Variants in CTBP2 observed in about 807,000 individuals in gnomAD.
CTBP2 encodes C-terminal binding protein 2.
In CTBP2, 30 loss-of-function variants were observed where a neutral mutation model predicts 80.3. The observed-to-expected ratio is 0.37, with a 90% CI of 0.28 to 0.51. CTBP2 has a LOEUF of 0.51. CTBP2 is among the 20% of genes least tolerant of loss of function. The probability of loss-of-function intolerance (pLI) is 0.93; values close to 1 mark genes in which losing one functional copy is unlikely to be tolerated. For missense variants in CTBP2, 1,212 were observed against 1,375.3 expected (o/e 0.88, Z 1.88); for synonymous variants, 594 against 587.4 (o/e 1.01, Z -0.16).
At chr10:124,997,867 C>A in intron 4 of CTBP2, 97 bp downstream of exon 6, 1 of 1,359,346 alleles carries the variant, frequency 7.4e-7, no homozygotes, top group South Asian at 1.3e-5. Flanking sequence ...GCCCTGGCTC[C>A]TCAAGAGCAG....
intron 2 of CTBP2, among the ~76,000 whole-genome samples, chr10:125,045,538 A>G (rs1197453063): frequency 6.6e-6 from 1 of 152,088 alleles, no homozygotes; most frequent in Non-Finnish European, 1.5e-5. Context: ...TTTTGGAGAC[A>G]GATTCTCACT....
Position 124,994,356 on chromosome 10 carries a change from C to T in CTBP2, c.2400+113G>A, listed in dbSNP as rs1953159416. On this transcript the variant is annotated intron_variant, in intron 5 of 8. Transcript: ENST00000309035. ...GGTTTGTTGCAGGGCCTCTTCCCTGCTCAACAGTGTATCCAGAAACCACCT... is the reference window on the plus strand; with the variant it reads ...GGTTTGTTGCAGGGCCTCTTCCCTGTTCAACAGTGTATCCAGAAACCACCT... 12 of 1,051,918 alleles carry T rather than the reference C, an allele frequency of 1.1e-5. No homozygotes were observed. The South Asian group carries it at 1.2e-4, about 10-fold the overall frequency. The allele number at this position is 1,051,918 out of a possible 1,614,324, so 65.2% of individuals were successfully genotyped here.
intron 1 of CTBP2, among the ~76,000 whole-genome samples, chr10:125,131,147 C>T (rs938472866): frequency 3.3e-5 from 5 of 152,108 alleles, no homozygotes; most frequent in African/African-American, 1.2e-4. Context: ...GGGAGCAGCC[C>T]GCAGAGTGCA....
At chr10:125,122,140 A>G (rs1483803798) in intron 1 of CTBP2, among the ~76,000 whole-genome samples, 1 of 152,222 alleles carries the variant, frequency 6.6e-6, no homozygotes, top group African/African-American at 2.4e-5. Context: ...TAGAAATATT[A>G]TCTATTGATT....
At chr10:125,052,750 A>T (rs1963069289) in intron 2 of CTBP2, among the ~76,000 whole-genome samples, 1 of 152,214 alleles carries the variant, frequency 6.6e-6, no homozygotes, top group African/African-American at 2.4e-5. Flanking sequence ...CCACAATCAC[A>T]GGCACCATCG....
intron 3 of CTBP2, among the ~76,000 whole-genome samples, chr10:125,038,176 A>G (rs1003491988): frequency 6.6e-6 from 1 of 152,098 alleles, no homozygotes; most frequent in African/African-American, 2.4e-5. Context: ...ACAATTCCAT[A>G]TGGGCAGCTG....
At chr10:125,048,823 A>C (rs949610007) in intron 2 of CTBP2, among the ~76,000 whole-genome samples, 10 of 152,190 alleles carry the variant, frequency 6.6e-5, no homozygotes, top group Admixed American at 3.3e-4. Context: ...TACAAATGAC[A>C]GCCTCTGGAG....
intron 8 of CTBP2, among the ~76,000 whole-genome samples, chr10:124,991,356 A>T (rs1952589223): frequency 6.6e-6 from 1 of 152,190 alleles, no homozygotes; most frequent in South Asian, 2.1e-4. Context: ...TAGGGGGCCT[A>T]AGAGCCCCAG....
Position 124,988,787 on chromosome 10 carries a change from AC to A in CTBP2, c.*730del, listed in dbSNP as rs1952193570. 1 of 152,570 alleles carries A rather than the reference AC, an allele frequency of 6.6e-6. No individual in the cohort carries two copies. The allele number at this position is 152,570 out of a possible 1,614,324, so 9.5% of individuals were successfully genotyped here. On this transcript the variant is annotated 3_prime_UTR_variant, in exon 9 of 9. Transcript: ENST00000309035. ...GGAAATGCAACATTATTCTTCTTGA[AC>A]CCTTTTAGCTCAAGACTTTCCACTC...
intron 2 of CTBP2, among the ~76,000 whole-genome samples, chr10:125,062,819 C>G (rs549720244): frequency 9.2e-5 from 14 of 152,290 alleles, no homozygotes; most frequent in Non-Finnish European, 1.6e-4. Context: ...GCTGAGATTG[C>G]GCCACTGGGC....
At chr10:125,075,142 T>A (rs1469747073) in intron 2 of CTBP2, among the ~76,000 whole-genome samples, 1 of 152,210 alleles carries the variant, frequency 6.6e-6, no homozygotes. Context: ...CTTCTGCTCA[T>A]CAAAAAGATT....
chr10:124,998,925 A>T (rs1178851815), intron 3 of CTBP2: 1 of 152,778 alleles, frequency 6.5e-6, no homozygotes, highest in African/African-American at 2.4e-5. Flanking sequence ...AGCACAAAGC[A>T]GCTGTGGCAT....
chr10:125,062,125 G>A (rs1274367348), intron 2 of CTBP2, among the ~76,000 whole-genome samples: 1 of 152,094 alleles, frequency 6.6e-6, no homozygotes, highest in Non-Finnish European at 1.5e-5. Context: ...ACCAGGGCTG[G>A]AGAAGCAGAA....
In CTBP2 at chr10:125,027,344, T is replaced by A. The variant is rs1957738291; in HGVS notation, c.416A>T (p.Tyr139Phe). Reference sequence around the variant, plus strand: ...TGACGTTCTGCTGCCAAGCACTCCGTAGCTGGGGACCGGCCGGCTGACTCC... The same window carrying A: ...TGACGTTCTGCTGCCAAGCACTCCGAAGCTGGGGACCGGCCGGCTGACTCC... Residue 139 changes from tyrosine (Y) to phenylalanine (F), a missense_variant, in exon 1 of 9, where the codon TAC (tyrosine) becomes TTC (phenylalanine). Coordinates refer to ENST00000309035, the MANE Select transcript of CTBP2 (RefSeq NM_022802.3). The A allele has an allele frequency of 6.2e-7, 1 of 1,613,544 alleles. No homozygotes were observed. Among genetic ancestry groups the A allele is most frequent in the African/African-American group, 1.3e-5 (1 of 74,880 alleles).
intron 2 of CTBP2, among the ~76,000 whole-genome samples, chr10:125,098,660 GAGAGAGAGAGAGAGA>G (rs1564913541): frequency 0.01 from 189 of 18,840 alleles, 2 homozygotes; most frequent in African/African-American, 0.029. Flanking sequence ...GGGAGGGGGA[GAGAGAGAGAGAGAGA>G]GAGAGAGAGA....
At chr10:125,116,613 A>G (rs1489569061) in intron 1 of CTBP2, among the ~76,000 whole-genome samples, 1 of 152,178 alleles carries the variant, frequency 6.6e-6, no homozygotes, top group African/African-American at 2.4e-5. Flanking sequence ...CAGATACCCC[A>G]GGGCAAGCCC....
chr10:125,141,522 G>A (rs569857557), intron 1 of CTBP2, among the ~76,000 whole-genome samples: 1 of 152,250 alleles, frequency 6.6e-6, no homozygotes, highest in South Asian at 2.1e-4. Context: ...TCTACCTTCA[G>A]GAAAACAAAT....
intron 2 of CTBP2, among the ~76,000 whole-genome samples, chr10:125,095,502 G>A (rs561305936): frequency 8.5e-5 from 13 of 152,286 alleles, no homozygotes; most frequent in South Asian, 8.3e-4. Flanking sequence ...GAACAGCTCC[G>A]TTGGTGTTAG....
At chr10:125,122,613 T>C (rs1381764963) in intron 1 of CTBP2, 1 of 152,236 alleles carries the variant, frequency 6.6e-6, no homozygotes, top group Non-Finnish European at 1.5e-5. Flanking sequence ...TTTCAGTCAA[T>C]GTACACTGTG....
Sources: allele counts gnomAD v4.1 joint callset (sites outside exome capture counted in the v4.1 genomes callset), GRCh38; gene constraint gnomAD v4.1.1; transcripts MANE v1.5; gene names NCBI Gene and HGNC (gene_info 2026-07-23, HGNC 2026-07-21).